Variants in TRIM36 observed in about 807,000 individuals in gnomAD.
The protein encoded by TRIM36 is tripartite motif containing 36, also known as E3 ubiquitin-protein ligase TRIM36.
TRIM36 carries 42 observed loss-of-function variants against 72.4 expected under a neutral mutation model. That is an observed-to-expected ratio of 0.58 (90% CI 0.45 to 0.75). TRIM36 has a LOEUF of 0.75. Ranked by LOEUF, TRIM36 falls within the 30% of genes least tolerant of loss-of-function variation. The probability of loss-of-function intolerance (pLI) is 0.00; values close to 1 mark genes in which losing one functional copy is unlikely to be tolerated. For synonymous variants in TRIM36, 315 were observed against 282.8 expected, an observed-to-expected ratio of 1.11 and a Z score of -1.14; for missense variants, 913 against 857.1, an observed-to-expected ratio of 1.07 and a Z score of -0.81.
chr5:115,147,572 A>C (rs1286257259), intron 2 of TRIM36, among the ~76,000 whole-genome samples, 178 bp from the exon 3 acceptor site: 2 of 152,248 alleles, frequency 1.3e-5, no homozygotes, highest in Non-Finnish European at 2.9e-5. Context: ...CTTAGTATAC[A>C]AAAGACAAGC....
intron 2 of TRIM36, among the ~76,000 whole-genome samples, chr5:115,158,556 A>G (rs916074817): frequency 1.3e-5 from 2 of 152,174 alleles, no homozygotes; most frequent in Non-Finnish European, 2.9e-5. Context: ...TTCATGAACT[A>G]CCTCTCCCAA....
At chr5:115,171,231 G>C, upstream of TRIM36, 1 of 1,614,126 alleles carries the variant, frequency 6.2e-7, no homozygotes, top group Non-Finnish European at 8.5e-7. Flanking sequence ...ATCTAAATAA[G>C]GAGTGTAGAA....
chr5:115,126,239 C>A lies in TRIM36; in HGVS notation c.*264G>T. 2 of 380,868 alleles carry A rather than the reference C, an allele frequency of 5.3e-6. No individual in the cohort carries two copies. Among genetic ancestry groups the A allele is most frequent in the South Asian group, 6.9e-5 (1 of 14,404 alleles). 23.6% of individuals were successfully genotyped at this position (380,868 alleles called of 1,614,324 possible). A position where few individuals can be genotyped will look rare whatever the true frequency, so the allele number is the denominator to read the frequency against. On this transcript the variant is annotated 3_prime_UTR_variant, in exon 10 of 10. Transcript: ENST00000513154. ...ACAGAAATAAATTAGATATCCTGTA[C>A]ATAAAGTAAAAGACAGTCCAGTTGC...
chr5:115,147,148 C>G lies in TRIM36; in HGVS notation c.509G>C (p.Cys170Ser). Residue 170 changes from cysteine (C) to serine (S), a missense_variant, in exon 3 of 10, where the codon TGC becomes TCC. Coordinates refer to ENST00000513154, the MANE Select transcript of TRIM36 (RefSeq NM_001300759.2). ...MDCSASYCNE[C>S]FKIHHPWGTI... ...ACCCCAAGGGTGATGAATTTTGAAG[C>G]ATTCATTGCAGTAACTTGCACTACA... 6.2e-7 allele frequency: 1 copy of G among 1,614,200 alleles called. No homozygotes were observed. Among genetic ancestry groups the G allele is most frequent in the Non-Finnish European group, 8.5e-7 (1 of 1,180,026 alleles).
chr5:115,138,941 G>A (rs1218941166), intron 5 of TRIM36, among the ~76,000 whole-genome samples: 1 of 151,820 alleles, frequency 6.6e-6, no homozygotes, highest in Non-Finnish European at 1.5e-5. Context: ...TCAGCCTCCC[G>A]AGTAGCTGGG....
chr5:115,163,706 T>G lies in TRIM36; in HGVS notation c.74A>C (p.Lys25Thr). The change falls in exon 2 of 10, where the codon AAG (lysine) becomes ACG (threonine). Residue 25 changes from lysine (K) to threonine (T), a missense_variant. Coordinates refer to ENST00000513154, the MANE Select transcript of TRIM36 (RefSeq NM_001300759.2). ...AATCAATGGGTGGGTAAACAGCTCCTTGCATGCTGGGCAAATGAGCTCCCT... is the reference window on the plus strand; with the variant it reads ...AATCAATGGGTGGGTAAACAGCTCCGTGCATGCTGGGCAAATGAGCTCCCT... Reference protein sequence around the residue: ...IERELICPACKELFTHPLILP... With the variant: ...IERELICPACTELFTHPLILP... 6.2e-7 allele frequency: 1 copy of G among 1,614,192 alleles called. No individual in the cohort carries two copies. The highest frequency in any genetic ancestry group is 2.2e-5 in the East Asian group (1 of 44,884).
In TRIM36 at chr5:115,137,406, C is replaced by G; in HGVS notation, c.1042G>C (p.Asp348His). 2 of 1,614,008 alleles carry G rather than the reference C, an allele frequency of 1.2e-6. No individual in the cohort carries two copies. ...GCTGTCTGCACAAAGCAAGACTGAT[C>G]TGTCTCCTTTAGCACTTCTTGAGCA... Reference protein sequence around the residue: ...GYAQEVLKETDQSCFVQTAKQ... With the variant: ...GYAQEVLKETHQSCFVQTAKQ... Residue 348 changes from aspartate to histidine, a missense_variant, in exon 6 of 10, where the codon GAT (aspartate) becomes CAT (histidine). Asp to His is a moderately conservative substitution (Grantham distance 81). Transcript: ENST00000513154.
At chr5:115,163,331 A>G (rs1259353920) in intron 2 of TRIM36, among the ~76,000 whole-genome samples, 187 bp downstream of exon 2, 1 of 152,216 alleles carries the variant, frequency 6.6e-6, no homozygotes, top group Non-Finnish European at 1.5e-5. Context: ...AGTATGTATC[A>G]AAAGACGAGA....
intron 4 of TRIM36, 92 bp from the exon 5 acceptor site, chr5:115,141,466 C>T (rs1488919239): frequency 2.6e-5 from 16 of 626,104 alleles, no homozygotes; most frequent in Admixed American, 7.4e-5. Flanking sequence ...GACTCATCCT[C>T]TTCTACAGCC....
intron 1 of TRIM36, chr5:115,177,988 C>A: frequency 9.2e-7 from 1 of 1,082,250 alleles, no homozygotes; most frequent in Non-Finnish European, 1.3e-6. Flanking sequence ...CATTGGTATT[C>A]TGAGAGGGTT....
At chr5:115,177,705 C>A (rs763025782) in intron 1 of TRIM36, 101 of 1,613,520 alleles carry the variant, frequency 6.3e-5, no homozygotes, top group Non-Finnish European at 7.2e-5. Context: ...TACTCCAGAC[C>A]AACTCTCCCC....
intron 8 of TRIM36, 109 bp downstream of exon 8, chr5:115,133,751 A>C: frequency 8.8e-7 from 1 of 1,132,000 alleles, no homozygotes; most frequent in Non-Finnish European, 1.2e-6. Flanking sequence ...TCTTTTAAAA[A>C]CAAGAGCTGG....
chr5:115,147,544 TG>T, intron 2 of TRIM36, 150 bp from the exon 3 acceptor site: 1 of 1,011,776 alleles, frequency 9.9e-7, no homozygotes, highest in Non-Finnish European at 1.4e-6. Flanking sequence ...ATTGTGAAAA[TG>T]TTTTTAAAAA....
At position 115,143,699 on chromosome 5, in the gene TRIM36, A is replaced by G. The variant is rs559414926; in HGVS notation, c.735+899T>C. On this transcript the variant is annotated intron_variant, in intron 4 of 9. Coordinates refer to ENST00000513154, the MANE Select transcript of TRIM36 (RefSeq NM_001300759.2). Reference sequence around the variant, plus strand: ...CATACACATACTGTTAAACAGAGGAAAGAAACAAAATGGGTAGTAGGTACA... The same window carrying G: ...CATACACATACTGTTAAACAGAGGAGAGAAACAAAATGGGTAGTAGGTACA... Among the ~76,000 whole-genome samples, 79 of 152,368 alleles carry G rather than the reference A, an allele frequency of 5.2e-4. 1 individual carries two copies. The South Asian group carries it at 0.016, about 30-fold the overall frequency.
At chr5:115,127,105 A>G (rs1459873868) in intron 9 of TRIM36, among the ~76,000 whole-genome samples, 1 of 152,230 alleles carries the variant, frequency 6.6e-6, no homozygotes, top group Non-Finnish European at 1.5e-5. Context: ...CTAGAAAATC[A>G]TTGATAATTT....
At chr5:115,150,712 G>C (rs1011792794) in intron 2 of TRIM36, among the ~76,000 whole-genome samples, 2 of 152,188 alleles carry the variant, frequency 1.3e-5, no homozygotes, top group Admixed American at 6.5e-5. Flanking sequence ...TAAATACTGC[G>C]AGGGCCCAAA....
chr5:115,163,322 G>A (rs554354075), intron 2 of TRIM36, among the ~76,000 whole-genome samples, 196 bp downstream of exon 2: 1 of 152,298 alleles, frequency 6.6e-6, no homozygotes, highest in African/African-American at 2.4e-5. Context: ...TCTACTTCAA[G>A]TATGTATCAA....
intron 2 of TRIM36, among the ~76,000 whole-genome samples, chr5:115,158,046 C>G (rs994975961): frequency 1.3e-5 from 2 of 152,094 alleles, no homozygotes; most frequent in Admixed American, 6.5e-5. Context: ...GCACCAAAAT[C>G]TCACAAATCA....
In TRIM36 at chr5:115,154,074, G is replaced by A. The variant is rs765352962; in HGVS notation, c.263-6680C>T. Among the ~76,000 whole-genome samples, 13 of 150,104 alleles carry A rather than the reference G, an allele frequency of 8.7e-5. No individual in the cohort carries two copies. The South Asian group carries it at 1.0e-3, about 12-fold the overall frequency. On this transcript the variant is annotated intron_variant, in intron 2 of 9. Coordinates refer to ENST00000513154, the MANE Select transcript of TRIM36 (RefSeq NM_001300759.2). ...CATGGAAATTAAATAACCTGCTCCT[G>A]AATGAGCACAGGGTCAAAAAAAAAA...
Sources: gnomAD v4.1 joint callset for allele counts (sites outside exome capture counted in the v4.1 genomes callset) on GRCh38, gnomAD v4.1.1 for gene constraint, MANE v1.5 for transcripts, NCBI Gene and HGNC (gene_info 2026-07-23, HGNC 2026-07-21) for gene names.